Variants in VAT1L observed in about 807,000 individuals in gnomAD.
The protein encoded by VAT1L is putative NADPH-dependent quinone oxidoreductase VAT1L.
VAT1L carries 34 observed loss-of-function variants against 44.1 expected under a neutral mutation model. That is an observed-to-expected ratio of 0.77 (90% CI 0.59 to 1.03). VAT1L has a LOEUF of 1.03. Ranked by LOEUF, VAT1L falls within the 50% of genes least tolerant of loss-of-function variation. VAT1L has a pLI of 0.00. For synonymous variants in VAT1L, 253 were observed against 202.2 expected (o/e 1.25, Z -2.13); for missense variants, 615 against 538.8 (o/e 1.14, Z -1.40).
In VAT1L at chr16:77,873,692, A is replaced by C. The variant is rs570090194; in HGVS notation, c.723-2678A>C. Among the ~76,000 whole-genome samples, 21 of 152,306 alleles carry C rather than the reference A, an allele frequency of 1.4e-4. No individual in the cohort carries two copies. In the South Asian group the frequency reaches 4.4e-3, roughly 32 times the overall value. On this transcript the variant is annotated intron_variant, in intron 4 of 8. Coordinates refer to ENST00000302536, the MANE Select transcript of VAT1L (RefSeq NM_020927.3). ...GTATCTCCAGTGTAGACATTAAAGC[A>C]TAAAGGAAACTAAAATGGAGATCCG...
chr16:77,873,154 C>T (rs1223146034), intron 4 of VAT1L, among the ~76,000 whole-genome samples: 1 of 152,214 alleles, frequency 6.6e-6, no homozygotes, highest in Non-Finnish European at 1.5e-5. Flanking sequence ...TTAATACTGG[C>T]TTGAACATTT....
intron 3 of VAT1L, among the ~76,000 whole-genome samples, chr16:77,844,842 A>T (rs529139359): frequency 6.8e-6 from 1 of 146,852 alleles, no homozygotes; most frequent in South Asian, 2.1e-4. Flanking sequence ...CACACGATAA[A>T]TACGTGTGTG....
chr16:77,958,829 A>G (rs2018132305), intron 7 of VAT1L, among the ~76,000 whole-genome samples: 2 of 152,186 alleles, frequency 1.3e-5, no homozygotes, highest in African/African-American at 4.8e-5. Context: ...TCTCCTTCGA[A>G]GAACATTCTG....
intron 7 of VAT1L, among the ~76,000 whole-genome samples, chr16:77,920,108 G>A (rs1019559891): frequency 4.6e-5 from 7 of 152,086 alleles, no homozygotes; most frequent in African/African-American, 9.7e-5. Context: ...AAATCAAACC[G>A]TATCCGGATA....
intron 7 of VAT1L, among the ~76,000 whole-genome samples, chr16:77,888,234 G>A (rs1597084257): frequency 6.6e-6 from 1 of 152,116 alleles, no homozygotes; most frequent in Admixed American, 6.5e-5. Flanking sequence ...TGCATTTACT[G>A]TCAGTTGAAA....
chr16:77,944,288 A>G (rs763844496), intron 7 of VAT1L, among the ~76,000 whole-genome samples: 1 of 152,222 alleles, frequency 6.6e-6, no homozygotes. Flanking sequence ...TGTTTACTCT[A>G]CTGGAATACT....
intron 3 of VAT1L, among the ~76,000 whole-genome samples, chr16:77,854,562 T>TAACA (rs2016839589): frequency 1.3e-5 from 2 of 152,234 alleles, no homozygotes; most frequent in South Asian, 4.1e-4. Context: ...AAGAAAAACG[T>TAACA]AAGTATGGCT....
chr16:77,856,206 A>G (rs892710135), intron 3 of VAT1L, among the ~76,000 whole-genome samples: 1 of 152,178 alleles, frequency 6.6e-6, no homozygotes, highest in African/African-American at 2.4e-5. Flanking sequence ...ACTTAGGAAG[A>G]ACTGATTGTT....
intron 7 of VAT1L, among the ~76,000 whole-genome samples, chr16:77,897,975 G>A (rs750115406): frequency 4.7e-4 from 72 of 152,306 alleles, no homozygotes; most frequent in Non-Finnish European, 8.1e-4. Flanking sequence ...TTGTCTCAGC[G>A]TTCTGGAGGC....
At position 77,971,786 on chromosome 16, in the gene VAT1L, C is replaced by T. The variant is rs187625521; in HGVS notation, c.1078-64C>T. ...CACTTGACAGTTTGAGTTCTCCAGGCCCCCTTTTTAACTGGGGAACATCTC... is the reference window on the plus strand; with the variant it reads ...CACTTGACAGTTTGAGTTCTCCAGGTCCCCTTTTTAACTGGGGAACATCTC... On this transcript the variant is annotated intron_variant, in intron 7 of 8. Coordinates refer to ENST00000302536, the MANE Select transcript of VAT1L (RefSeq NM_020927.3). 1.2e-5 allele frequency: 19 copies of T among 1,534,366 alleles called. No individual in the cohort carries two copies. In the Admixed American group the frequency reaches 1.5e-4, roughly 12 times the overall value.
At chr16:77,943,219 G>C (rs2017912398) in intron 7 of VAT1L, among the ~76,000 whole-genome samples, 1 of 149,834 alleles carries the variant, frequency 6.7e-6, no homozygotes, top group Non-Finnish European at 1.5e-5. Flanking sequence ...ACCACACCCA[G>C]CTAATTTTTG....
chr16:77,910,102 T>G (rs573850640), intron 7 of VAT1L, among the ~76,000 whole-genome samples: 1 of 152,354 alleles, frequency 6.6e-6, no homozygotes, highest in African/African-American at 2.4e-5. Context: ...TGCAAACATA[T>G]GAATTATTCT....
intron 1 of VAT1L, among the ~76,000 whole-genome samples, chr16:77,793,097 A>T (rs2015863815): frequency 6.6e-6 from 1 of 152,180 alleles, no homozygotes; most frequent in Non-Finnish European, 1.5e-5. Context: ...ATACTTATAT[A>T]GTTTATTATT....
chr16:77,888,978 A>G (rs185113814), intron 7 of VAT1L, among the ~76,000 whole-genome samples: 301 of 152,280 alleles, frequency 2.0e-3, no homozygotes, highest in Non-Finnish European at 3.2e-3. Context: ...TGCAATATCT[A>G]CAGACATCTG....
chr16:77,878,304 G>A (rs1484394779), intron 5 of VAT1L, among the ~76,000 whole-genome samples: 1 of 152,142 alleles, frequency 6.6e-6, no homozygotes, highest in Non-Finnish European at 1.5e-5. Context: ...AGTTTACCCA[G>A]GCTAAATAGT....
chr16:77,841,450 G>T (rs9938416), intron 3 of VAT1L, among the ~76,000 whole-genome samples: 2,678 of 152,276 alleles, frequency 0.018, 78 homozygotes, highest in African/African-American at 0.062. Context: ...AGGAATGCCT[G>T]GGTGTATTTC....
At chr16:77,827,925 A>C (rs1378469269) in intron 3 of VAT1L, among the ~76,000 whole-genome samples, 2 of 152,190 alleles carry the variant, frequency 1.3e-5, no homozygotes, top group Non-Finnish European at 2.9e-5. Context: ...GTAAAGCAAG[A>C]TTTAGTGAGA....
In VAT1L at chr16:77,879,860, G is replaced by A. The variant is rs1404930919; in HGVS notation, c.882+636G>A. Among the ~76,000 whole-genome samples the A allele has an allele frequency of 3.3e-5, 5 of 152,182 alleles. No individual in the cohort carries two copies. In the South Asian group the frequency reaches 1.0e-3, roughly 32 times the overall value. On this transcript the variant is annotated intron_variant, in intron 6 of 8. Coordinates refer to ENST00000302536, the MANE Select transcript of VAT1L (RefSeq NM_020927.3). This position sits in a 1 kb window ranked among gnomAD's most constrained non-coding sequence, Gnocchi z 4.1. ...TGCATTTTCTTTGCTCCATAGAGCG[G>A]CCAGCCTTTCACTTTGCTACTTTCT...
chr16:77,906,625 A>G (rs2017439765), intron 7 of VAT1L, among the ~76,000 whole-genome samples: 2 of 152,190 alleles, frequency 1.3e-5, no homozygotes, highest in Admixed American at 6.5e-5. Context: ...TTTGATCCCA[A>G]TCCCTGGGGA....
Sources: allele counts gnomAD v4.1 joint callset (sites outside exome capture counted in the v4.1 genomes callset), GRCh38; gene constraint gnomAD v4.1.1; non-coding constraint Gnocchi (gnomAD v3.1); transcripts MANE v1.5; gene names NCBI Gene and HGNC (gene_info 2026-07-23, HGNC 2026-07-21).